The following XPO7 variants were observed in gnomAD, a reference collection of about 807,000 sequenced individuals.
XPO7 encodes the protein exportin 7, also known as exportin-7.
XPO7 carries 21 observed loss-of-function variants against 144.3 expected under a neutral mutation model. That is an observed-to-expected ratio of 0.15 (90% CI 0.10 to 0.21). The LOEUF is 0.21. XPO7 is among the 10% of genes least tolerant of loss of function. The pLI, the probability that XPO7 is intolerant of heterozygous loss-of-function variation, is 1.00. For synonymous variants in XPO7, 580 were observed against 499.6 expected, an observed-to-expected ratio of 1.16 and a Z score of -2.15; for missense variants, 808 against 1,325.8, an observed-to-expected ratio of 0.61 and a Z score of 6.06.
chr8:21,968,235 T>G (rs1156708847), intron 2 of XPO7, among the ~76,000 whole-genome samples: 3 of 152,222 alleles, frequency 2.0e-5, no homozygotes, highest in African/African-American at 7.2e-5. Context: ...AAAAGTATCC[T>G]TAAGACTGGA....
intron 16 of XPO7, 64 bp from the exon 17 acceptor site, chr8:21,990,280 T>C: frequency 6.5e-7 from 1 of 1,542,464 alleles, no homozygotes; most frequent in Non-Finnish European, 8.9e-7. Context: ...TCTGGAAAGT[T>C]TCCATCTGCC....
At chr8:21,935,730 A>G (rs1810799503) in intron 1 of XPO7, among the ~76,000 whole-genome samples, 2 of 152,212 alleles carry the variant, frequency 1.3e-5, no homozygotes, top group Non-Finnish European at 2.9e-5. Flanking sequence ...TAAGAGCTTT[A>G]GTTTTCTTAT....
Position 21,921,874 on chromosome 8 carries a change from TTG to T in XPO7, c.18+2088_18+2089del, listed in dbSNP as rs149849154. On this transcript the variant is annotated intron_variant, in intron 1 of 27. Coordinates refer to ENST00000252512, the MANE Select transcript of XPO7 (RefSeq NM_015024.5). The stretch of plus-strand genomic sequence containing the variant: ...AGAGAATGGGACATACTGCTTTTCT[TTG>T]TCAGACCACTAAGTGTTAATAGTAT... 3.1e-3 allele frequency among the ~76,000 whole-genome samples: 472 copies of T among 152,300 alleles called. 4 individuals are homozygous for T. Among genetic ancestry groups the T allele is most frequent in the East Asian group, 0.023 (117 of 5,186 alleles).
chr8:21,978,755 G>C (rs1812306764), intron 8 of XPO7, among the ~76,000 whole-genome samples: 1 of 152,168 alleles, frequency 6.6e-6, no homozygotes, highest in South Asian at 2.1e-4. Context: ...CTTAGAGGAG[G>C]GCTGGACAAC....
chr8:21,948,835 A>G (rs539304644), intron 1 of XPO7, among the ~76,000 whole-genome samples: 4 of 152,334 alleles, frequency 2.6e-5, no homozygotes, highest in African/African-American at 9.6e-5. Context: ...TTTAGGAATG[A>G]CACATTCTCA....
chr8:21,954,355 G>A (rs1212928236), intron 1 of XPO7, among the ~76,000 whole-genome samples: 1 of 152,180 alleles, frequency 6.6e-6, no homozygotes, highest in Non-Finnish European at 1.5e-5. Flanking sequence ...ATAAATGTGG[G>A]CTGCGTGCAG....
chr8:22,003,652 C>A (rs1813228191), intron 26 of XPO7, among the ~76,000 whole-genome samples: 2 of 152,152 alleles, frequency 1.3e-5, no homozygotes, highest in Non-Finnish European at 2.9e-5. Context: ...TCTTGAGATT[C>A]TGGTAAAAGA....
At chr8:21,955,797 C>T (rs1025750807) in intron 1 of XPO7, among the ~76,000 whole-genome samples, 3 of 137,074 alleles carry the variant, frequency 2.2e-5, no homozygotes, top group Admixed American at 7.9e-5. Flanking sequence ...GGCATAATCT[C>T]GGCTCACTGC....
intron 5 of XPO7, among the ~76,000 whole-genome samples, chr8:21,973,316 C>T (rs1297698346): frequency 6.6e-6 from 1 of 152,184 alleles, no homozygotes. Context: ...TAATAAAAAA[C>T]TTCAAGATTT....
At chr8:21,995,241 A>G (rs182844302) in intron 20 of XPO7, among the ~76,000 whole-genome samples, 1 of 152,140 alleles carries the variant, frequency 6.6e-6, no homozygotes. Context: ...TAACAGTATG[A>G]AATACATCAT....
At chr8:21,936,641 A>G (rs960124378) in intron 1 of XPO7, among the ~76,000 whole-genome samples, 1 of 152,188 alleles carries the variant, frequency 6.6e-6, no homozygotes. Flanking sequence ...TATGTATTGT[A>G]TCTTTCTCTT....
At chr8:21,920,152 C>T (rs1459811050) in intron 1 of XPO7, among the ~76,000 whole-genome samples, 2 of 151,060 alleles carry the variant, frequency 1.3e-5, no homozygotes, top group Admixed American at 6.6e-5. Flanking sequence ...AGGGGGACCC[C>T]CTTGCTGACT....
rs568074470 is a variant in XPO7 at position 21,979,477 on chromosome 8, G to A, written c.838-607G>A. On this transcript the variant is annotated intron_variant, in intron 8 of 27. Transcript: ENST00000252512. ...GGCTGGAGTGCAGTGGCGCGATCTCGGCTCACTGCAGCCTCCGCCTCCCAG... is the reference window on the plus strand; with the variant it reads ...GGCTGGAGTGCAGTGGCGCGATCTCAGCTCACTGCAGCCTCCGCCTCCCAG... Among the ~76,000 whole-genome samples the A allele has an allele frequency of 8.8e-5, 13 of 147,436 alleles. No homozygotes were observed. In the South Asian group the frequency reaches 2.4e-3, roughly 27 times the overall value.
intron 1 of XPO7, among the ~76,000 whole-genome samples, chr8:21,956,171 C>A (rs1221638011): frequency 6.6e-6 from 1 of 152,162 alleles, no homozygotes; most frequent in Non-Finnish European, 1.5e-5. Flanking sequence ...CACATGATTC[C>A]TTCCTTGGCT....
chr8:21,969,673 G>C, intron 3 of XPO7, 97 bp downstream of exon 3: 2 of 1,161,946 alleles, frequency 1.7e-6, no homozygotes, highest in Non-Finnish European at 2.5e-6. Context: ...ATGATATGCT[G>C]AGATTGCTAA....
At chr8:21,926,254 T>C (rs1254518510) in intron 1 of XPO7, among the ~76,000 whole-genome samples, 1 of 152,202 alleles carries the variant, frequency 6.6e-6, no homozygotes, top group Admixed American at 6.5e-5. Context: ...TGTAATCTTA[T>C]AACTGTAGTG....
At chr8:21,932,001 G>A (rs888348999) in intron 1 of XPO7, among the ~76,000 whole-genome samples, 1 of 152,050 alleles carries the variant, frequency 6.6e-6, no homozygotes, top group Non-Finnish European at 1.5e-5. Context: ...GCCTCCCTTA[G>A]TAGTTGAGAT....
intron 1 of XPO7, among the ~76,000 whole-genome samples, chr8:21,927,790 C>T (rs1810509133): frequency 6.6e-6 from 1 of 152,134 alleles, no homozygotes; most frequent in Non-Finnish European, 1.5e-5. Flanking sequence ...GGTGATCCTC[C>T]TGTCTCGGCC....
chr8:21,979,217 A>G (rs1809499), intron 8 of XPO7, among the ~76,000 whole-genome samples: 86,897 of 150,816 alleles, frequency 0.58, 25,665 homozygotes, highest in African/African-American at 0.72. Context: ...GGCTAATTTT[A>G]TATTTTCAGT....
Sources: allele counts gnomAD v4.1 joint callset (sites outside exome capture counted in the v4.1 genomes callset), GRCh38; gene constraint gnomAD v4.1.1; transcripts MANE v1.5; gene names NCBI Gene and HGNC (gene_info 2026-07-23, HGNC 2026-07-21).